Variants in LCLAT1 observed in about 807,000 individuals in gnomAD.
The protein encoded by LCLAT1 is lysocardiolipin acyltransferase 1.
LCLAT1 carries 11 observed loss-of-function variants against 30.7 expected under a neutral mutation model. The observed-to-expected ratio is 0.36, with a 90% confidence interval of 0.23 to 0.59. LCLAT1 has a LOEUF of 0.59. Among genes scored for constraint, LCLAT1 ranks in the 20% least tolerant of loss-of-function variants. The pLI is 0.77. For synonymous variants in LCLAT1, 155 were observed against 151.3 expected, an observed-to-expected ratio of 1.02 and a Z score of -0.18; for missense variants, 402 against 458.6, an observed-to-expected ratio of 0.88 and a Z score of 1.13.
At chr2:30,585,481 A>G (rs759157916) in intron 5 of LCLAT1, among the ~76,000 whole-genome samples, 6 of 152,156 alleles carry the variant, frequency 3.9e-5, no homozygotes, top group Admixed American at 1.3e-4. Context: ...TCTGCATGAT[A>G]ACTCATGCCA....
At chr2:30,628,024 G>A (rs1391852320) in intron 5 of LCLAT1, among the ~76,000 whole-genome samples, 1 of 152,086 alleles carries the variant, frequency 6.6e-6, no homozygotes, top group Non-Finnish European at 1.5e-5. Flanking sequence ...AGGTCAAAAA[G>A]TCTAGTAAAA....
chr2:30,463,534 C>A (rs1289377614), intron 1 of LCLAT1, among the ~76,000 whole-genome samples: 1 of 152,146 alleles, frequency 6.6e-6, no homozygotes, highest in Non-Finnish European at 1.5e-5. Context: ...ATTCAACCAA[C>A]CATGGATCAA....
At chr2:30,546,450 T>C (rs1471347248) in intron 3 of LCLAT1, among the ~76,000 whole-genome samples, 1 of 152,206 alleles carries the variant, frequency 6.6e-6, no homozygotes, top group Non-Finnish European at 1.5e-5. Flanking sequence ...TAGTACACTA[T>C]AGGAACATGA....
At chr2:30,469,306 C>T (rs1029578454) in intron 1 of LCLAT1, among the ~76,000 whole-genome samples, 1 of 151,814 alleles carries the variant, frequency 6.6e-6, no homozygotes, top group Non-Finnish European at 1.5e-5. Context: ...ATGTAACAAT[C>T]CCTTGCCAAA....
chr2:30,603,419 A>G (rs1206156295), intron 5 of LCLAT1, among the ~76,000 whole-genome samples: 4 of 152,060 alleles, frequency 2.6e-5, no homozygotes, highest in Non-Finnish European at 5.9e-5. Flanking sequence ...ATGCTGTCAC[A>G]TTGTCCAAGG....
intron 5 of LCLAT1, among the ~76,000 whole-genome samples, chr2:30,611,805 T>C (rs1203301624): frequency 6.6e-6 from 1 of 152,172 alleles, no homozygotes; most frequent in East Asian, 1.9e-4. Flanking sequence ...AGGAGGAGGA[T>C]GACGCAGAAC....
chr2:30,519,276 G>A (rs115157028), intron 1 of LCLAT1, among the ~76,000 whole-genome samples: 1 of 152,086 alleles, frequency 6.6e-6, no homozygotes, highest in African/African-American at 2.4e-5. Context: ...ACTACAAATC[G>A]TTCTTTAAAT....
intron 3 of LCLAT1, 84 bp from the exon 4 acceptor site, chr2:30,562,062 C>A: frequency 1.1e-6 from 1 of 938,440 alleles, no homozygotes; most frequent in Non-Finnish European, 1.5e-6. Flanking sequence ...ATAGTAAAAC[C>A]AGAAAACTGA....
In LCLAT1 at chr2:30,470,028, G is replaced by T. The variant is rs144174267; in HGVS notation, c.-5+22645G>T. On this transcript the variant is annotated intron_variant, in intron 1 of 5. Coordinates refer to ENST00000379509, the MANE Select transcript of LCLAT1 (RefSeq NM_001002257.3). ...TTACAGGCATGAGTCACCACGCCCA[G>T]CAAGAATCTGCATCTGATTGGTTGG... Among the ~76,000 whole-genome samples, 4 of 152,260 alleles carry T rather than the reference G, an allele frequency of 2.6e-5. No individual in the cohort carries two copies. The East Asian group carries it at 7.7e-4, about 29-fold the overall frequency.
At chr2:30,588,609 A>G (rs1424677869) in intron 5 of LCLAT1, among the ~76,000 whole-genome samples, 1 of 152,056 alleles carries the variant, frequency 6.6e-6, no homozygotes, top group Non-Finnish European at 1.5e-5. Flanking sequence ...TTTTTGAGAC[A>G]GAATTTCACT....
At chr2:30,588,577 G>T (rs549286893) in intron 5 of LCLAT1, among the ~76,000 whole-genome samples, 1 of 152,120 alleles carries the variant, frequency 6.6e-6, no homozygotes, top group Non-Finnish European at 1.5e-5. Context: ...TATTTTTGTT[G>T]TTGTTGTTTT....
At chr2:30,517,769 CAGAG>C (rs1159450643) in intron 1 of LCLAT1, among the ~76,000 whole-genome samples, 2 of 150,342 alleles carry the variant, frequency 1.3e-5, no homozygotes, top group South Asian at 2.1e-4. Context: ...GACAGAAAGT[CAGAG>C]AGAGAAAGAA....
intron 1 of LCLAT1, among the ~76,000 whole-genome samples, chr2:30,498,246 G>C (rs1427346845): frequency 6.6e-6 from 1 of 152,170 alleles, no homozygotes; most frequent in African/African-American, 2.4e-5. Flanking sequence ...TGGTCTGCAG[G>C]CTGTTTTGGA....
chr2:30,497,960 A>C (rs1415247620), intron 1 of LCLAT1, among the ~76,000 whole-genome samples: 1 of 152,114 alleles, frequency 6.6e-6, no homozygotes, highest in African/African-American at 2.4e-5. Context: ...ACCGTTCAGG[A>C]TTTGGAGTTA....
At chr2:30,545,505 G>T (rs1049687626) in intron 3 of LCLAT1, among the ~76,000 whole-genome samples, 3 of 152,054 alleles carry the variant, frequency 2.0e-5, no homozygotes, top group Admixed American at 6.6e-5. Flanking sequence ...TTTTCTTAAA[G>T]TATAAAAGCA....
At chr2:30,569,732 G>T (rs995075420) in intron 5 of LCLAT1, among the ~76,000 whole-genome samples, 2 of 152,128 alleles carry the variant, frequency 1.3e-5, no homozygotes, top group Non-Finnish European at 2.9e-5. Flanking sequence ...TTAAAGAAAG[G>T]TTCACAATCA....
chr2:30,619,288 A>G (rs747810679), intron 5 of LCLAT1, among the ~76,000 whole-genome samples: 5 of 152,194 alleles, frequency 3.3e-5, no homozygotes, highest in Non-Finnish European at 2.9e-5. Flanking sequence ...ACTGGTGTTG[A>G]AAAGATGGTA....
At chr2:30,627,402 C>T (rs915203965) in intron 5 of LCLAT1, among the ~76,000 whole-genome samples, 1 of 152,126 alleles carries the variant, frequency 6.6e-6, no homozygotes, top group Non-Finnish European at 1.5e-5. Context: ...AGAGGCTGAC[C>T]CCTCCTCTAC....
chr2:30,497,917 T>C (rs1684197543), intron 1 of LCLAT1, among the ~76,000 whole-genome samples: 2 of 152,294 alleles, frequency 1.3e-5, no homozygotes, highest in South Asian at 4.1e-4. Context: ...TAGCCTGGAA[T>C]TTGCTACACA....
Sources: allele counts gnomAD v4.1 joint callset (sites outside exome capture counted in the v4.1 genomes callset), GRCh38; gene constraint gnomAD v4.1.1; transcripts MANE v1.5; gene names NCBI Gene and HGNC (gene_info 2026-07-23, HGNC 2026-07-21).